The following FLI1 variants were observed in gnomAD, a reference collection of about 807,000 sequenced individuals.
FLI1 encodes the protein Friend leukemia integration 1 transcription factor.
Under a neutral mutation model 53.1 loss-of-function variants are expected in FLI1, and 13 were observed. The ratio of observed to expected loss-of-function variants is 0.24; its 90% CI spans 0.16 to 0.39. FLI1 has a LOEUF of 0.39. Ranked by LOEUF, FLI1 falls within the 10% of genes least tolerant of loss-of-function variation. The probability of loss-of-function intolerance (pLI) is 1.00; values close to 1 mark genes in which losing one functional copy is unlikely to be tolerated. For synonymous variants in FLI1, 244 were observed against 236.7 expected (o/e 1.03, Z -0.28); for missense variants, 424 against 600.5 (o/e 0.71, Z 3.07).
At chr11:128,703,505 A>G (rs2135706050) in intron 1 of FLI1, among the ~76,000 whole-genome samples, 1 of 152,348 alleles carries the variant, frequency 6.6e-6, no homozygotes, top group African/African-American at 2.4e-5. Context: ...ACACTGATTT[A>G]GAAAATTCTC....
In FLI1 at chr11:128,715,232, A is replaced by C. The variant is rs529926363; in HGVS notation, c.18+20956A>C. On this transcript the variant is annotated intron_variant, in intron 1 of 8. Transcript: ENST00000527786. ...GCTCAGGGTTGCTAAGTGATTAAAC[A>C]TATACAATTAATTATTCCTGCCCTG... 2.0e-5 allele frequency among the ~76,000 whole-genome samples: 3 copies of C among 152,374 alleles called. No individual in the cohort carries two copies. The South Asian group carries it at 6.2e-4, about 32-fold the overall frequency.
intron 1 of FLI1, among the ~76,000 whole-genome samples, chr11:128,729,815 A>G (rs1289990559): frequency 6.6e-6 from 1 of 152,172 alleles, no homozygotes; most frequent in African/African-American, 2.4e-5. Flanking sequence ...GATGGGAAGC[A>G]TTTTGACCTT....
intron 5 of FLI1, among the ~76,000 whole-genome samples, chr11:128,783,491 T>C (rs1189500071): frequency 6.6e-6 from 1 of 152,246 alleles, no homozygotes; most frequent in African/African-American, 2.4e-5. Context: ...TGTTTTTCCT[T>C]TCCAAATCAG....
chr11:128,728,207 C>T (rs929451051), intron 1 of FLI1, among the ~76,000 whole-genome samples: 8 of 152,244 alleles, frequency 5.3e-5, no homozygotes, highest in African/African-American at 9.6e-5. Flanking sequence ...GCAGGTGGAG[C>T]GGCCAGGACA....
chr11:128,757,047 T>C (rs1173408590), intron 1 of FLI1, among the ~76,000 whole-genome samples: 1 of 47,774 alleles, frequency 2.1e-5, no homozygotes, highest in African/African-American at 1.0e-4. Flanking sequence ...GCTAATTTTT[T>C]CTTTCTTTCT....
chr11:128,776,008 GA>G (rs1299406461), intron 4 of FLI1, among the ~76,000 whole-genome samples: 2 of 152,166 alleles, frequency 1.3e-5, no homozygotes, highest in African/African-American at 4.8e-5. Flanking sequence ...AGAAAGTCTA[GA>G]AAAAGGAAAA....
chr11:128,716,760 C>T (rs1939033133), intron 1 of FLI1, among the ~76,000 whole-genome samples: 1 of 152,158 alleles, frequency 6.6e-6, no homozygotes, highest in Non-Finnish European at 1.5e-5. Flanking sequence ...CAGGGCTCTG[C>T]ATTCCTTCTG....
intron 1 of FLI1, among the ~76,000 whole-genome samples, chr11:128,740,122 C>G: frequency 6.6e-6 from 1 of 152,168 alleles, no homozygotes; most frequent in Non-Finnish European, 1.5e-5. Context: ...CCAAGAAACC[C>G]TAAGGCCTGT....
intron 2 of FLI1, 131 bp from the exon 3 acceptor site, chr11:128,767,987 T>A (rs778603686): frequency 3.7e-4 from 272 of 731,522 alleles, no homozygotes; most frequent in Non-Finnish European, 3.6e-4. Flanking sequence ...ATCATCATCA[T>A]CATGACACCA....
At chr11:128,689,491 TC>T (rs1004990327), upstream of FLI1, among the ~76,000 whole-genome samples, 5 of 152,128 alleles carry the variant, frequency 3.3e-5, no homozygotes. Flanking sequence ...GATGCCGTCT[TC>T]CGCCTGTCCC....
intron 1 of FLI1, among the ~76,000 whole-genome samples, chr11:128,702,297 T>C (rs1426078546): frequency 1.3e-5 from 2 of 152,178 alleles, no homozygotes; most frequent in Non-Finnish European, 2.9e-5. Flanking sequence ...TTTGAGAGAG[T>C]AGACATTTCT....
At chr11:128,734,846 C>T (rs146675965) in intron 1 of FLI1, among the ~76,000 whole-genome samples, 4 of 152,276 alleles carry the variant, frequency 2.6e-5, no homozygotes, top group South Asian at 4.2e-4. Context: ...GCCCTAAAAT[C>T]GCCTACCATC....
intron 5 of FLI1, among the ~76,000 whole-genome samples, chr11:128,788,224 C>A (rs1209425393): frequency 1.3e-5 from 2 of 152,066 alleles, no homozygotes; most frequent in Non-Finnish European, 2.9e-5. Flanking sequence ...AATCCCTGCA[C>A]TTTGGGAGGC....
intron 2 of FLI1, among the ~76,000 whole-genome samples, chr11:128,760,291 G>A (rs954270101): frequency 6.6e-6 from 1 of 152,176 alleles, no homozygotes; most frequent in African/African-American, 2.4e-5. Flanking sequence ...AGGATTTAAA[G>A]GAGGCAAAGT....
intron 4 of FLI1, among the ~76,000 whole-genome samples, chr11:128,776,422 G>A (rs1941728493): frequency 6.6e-6 from 1 of 152,242 alleles, no homozygotes; most frequent in African/African-American, 2.4e-5. Flanking sequence ...AGGCCAAGGC[G>A]GGTGGATCAC....
At chr11:128,713,147 G>C (rs1345006252) in intron 1 of FLI1, among the ~76,000 whole-genome samples, 1 of 152,224 alleles carries the variant, frequency 6.6e-6, no homozygotes, top group Non-Finnish European at 1.5e-5. Flanking sequence ...ATGAGGCCAT[G>C]TTCCTAGAGG....
rs956011882 is a variant in FLI1, at chr11:128,812,328, T to C, written c.*1340T>C. ...ATAATTTTGCAGGTAATTGTTGACT[T>C]TTTTAACTATATTAAGTGTTAAGCT... is the stretch of plus-strand genomic sequence containing the variant. On this transcript the variant is annotated 3_prime_UTR_variant, in exon 9 of 9. Coordinates refer to ENST00000527786, the MANE Select transcript of FLI1 (RefSeq NM_002017.5). 1.8e-4 allele frequency: 39 copies of C among 219,504 alleles called. No homozygotes were observed. Among genetic ancestry groups the C allele is most frequent in the African/African-American group, 8.3e-4 (37 of 44,626 alleles). The allele number at this position is 219,504 out of a possible 1,614,324, so 13.6% of individuals were successfully genotyped here.
At chr11:128,719,954 G>A (rs971295576) in intron 1 of FLI1, among the ~76,000 whole-genome samples, 8 of 152,058 alleles carry the variant, frequency 5.3e-5, no homozygotes, top group South Asian at 2.1e-4. Context: ...TACGTGCATC[G>A]TTTAAGTTCT....
intron 2 of FLI1, among the ~76,000 whole-genome samples, chr11:128,766,687 G>A (rs1446971429): frequency 6.6e-6 from 1 of 151,830 alleles, no homozygotes; most frequent in Non-Finnish European, 1.5e-5. Context: ...CCTGCTTGTG[G>A]GATGGGTGGG....
Sources: gnomAD v4.1 joint callset for allele counts (sites outside exome capture counted in the v4.1 genomes callset) on GRCh38, gnomAD v4.1.1 for gene constraint, MANE v1.5 for transcripts, NCBI Gene and HGNC (gene_info 2026-07-23, HGNC 2026-07-21) for gene names.